Variants in COL23A1 observed in about 807,000 individuals in gnomAD.
The protein encoded by COL23A1 is collagen type XXIII alpha 1 chain, also known as collagen alpha-1(XXIII) chain.
In COL23A1, 97 loss-of-function variants were observed where a neutral mutation model predicts 99.3. The ratio of observed to expected loss-of-function variants is 0.98; its 90% confidence interval spans 0.83 to 1.16. COL23A1 has a LOEUF of 1.16. Ranked by LOEUF, COL23A1 falls within the 50% of genes most tolerant of loss-of-function variation. The pLI, the probability that COL23A1 is intolerant of heterozygous loss-of-function variation, is 0.00. For synonymous variants in COL23A1, 320 were observed against 308.2 expected, an observed-to-expected ratio of 1.04 and a Z score of -0.40; for missense variants, 762 against 757.4, an observed-to-expected ratio of 1.01 and a Z score of -0.07.
intron 2 of COL23A1, among the ~76,000 whole-genome samples, chr5:178,554,338 C>A (rs1422455618): frequency 1.3e-5 from 2 of 152,120 alleles, no homozygotes; most frequent in Non-Finnish European, 2.9e-5. Context: ...GCCACTATGC[C>A]CAGCTAATTT....
At chr5:178,367,125 C>T (rs1014277703) in intron 2 of COL23A1, among the ~76,000 whole-genome samples, 24 of 152,204 alleles carry the variant, frequency 1.6e-4, no homozygotes, top group Admixed American at 3.3e-4. Context: ...TCAGACATTT[C>T]CTTTAGCCAA....
chr5:178,250,324 G>A (rs1196297833), intron 17 of COL23A1, among the ~76,000 whole-genome samples: 3 of 152,216 alleles, frequency 2.0e-5, no homozygotes, highest in Non-Finnish European at 4.4e-5. Flanking sequence ...CACAGATTCG[G>A]GCGCTGAGGC....
chr5:178,393,421 G>A (rs552049056), intron 2 of COL23A1, among the ~76,000 whole-genome samples: 9 of 152,256 alleles, frequency 5.9e-5, no homozygotes, highest in South Asian at 4.1e-4. Flanking sequence ...CAGAGTTTTC[G>A]TTCTGCAAGA....
rs73344480 is a variant in COL23A1, at chr5:178,564,025, C to T, written c.295-3277G>A. ...TTTTTTAAACAAAAGCATTTCATGCCAAAAACAATTCACTTTTAACAACTG... is the reference window on the plus strand; with the variant it reads ...TTTTTTAAACAAAAGCATTTCATGCTAAAAACAATTCACTTTTAACAACTG... On this transcript the variant is annotated intron_variant, in intron 1 of 28. Transcript: ENST00000390654. Among the ~76,000 whole-genome samples the T allele has an allele frequency of 3.5e-3, 526 of 152,230 alleles. 5 individuals are homozygous for T. The highest frequency in any genetic ancestry group is 0.012 in the African/African-American group (498 of 41,550).
intron 2 of COL23A1, among the ~76,000 whole-genome samples, chr5:178,459,533 A>C (rs2546631): frequency 7.9e-5 from 12 of 152,074 alleles, no homozygotes; most frequent in Non-Finnish European, 1.3e-4. Flanking sequence ...AGGCCAAGGC[A>C]GGTGGATCAC....
At chr5:178,456,983 T>C (rs1767833801) in intron 2 of COL23A1, among the ~76,000 whole-genome samples, 1 of 152,158 alleles carries the variant, frequency 6.6e-6, no homozygotes, top group Non-Finnish European at 1.5e-5. Flanking sequence ...GTTTTGGGTT[T>C]GTTTGGTAAA....
chr5:178,568,474 A>G (rs73804270), intron 1 of COL23A1, among the ~76,000 whole-genome samples: 2,380 of 152,328 alleles, frequency 0.016, 64 homozygotes, highest in African/African-American at 0.054. Context: ...TTAACATAAA[A>G]TTAACCATTT....
At chr5:178,334,940 C>G (rs1043582984) in intron 2 of COL23A1, among the ~76,000 whole-genome samples, 4 of 152,250 alleles carry the variant, frequency 2.6e-5, no homozygotes, top group Admixed American at 6.5e-5. Flanking sequence ...GTGCCTCCCC[C>G]ACACCCCAGA....
At chr5:178,357,484 G>A (rs1472445482) in intron 2 of COL23A1, among the ~76,000 whole-genome samples, 1 of 152,218 alleles carries the variant, frequency 6.6e-6, no homozygotes, top group Non-Finnish European at 1.5e-5. Flanking sequence ...CGCCTTTGAG[G>A]TTTTAACCGT....
At chr5:178,404,510 G>C (rs1764643617) in intron 2 of COL23A1, among the ~76,000 whole-genome samples, 1 of 152,178 alleles carries the variant, frequency 6.6e-6, no homozygotes, top group South Asian at 2.1e-4. Flanking sequence ...AGGCACCAAG[G>C]CATGAAATTG....
intron 5 of COL23A1, among the ~76,000 whole-genome samples, chr5:178,273,193 G>A (rs1004665100): frequency 2.0e-5 from 3 of 152,224 alleles, no homozygotes; most frequent in South Asian, 2.1e-4. Context: ...AGAAGTGCCC[G>A]TGGAAGGGAG....
intron 2 of COL23A1, among the ~76,000 whole-genome samples, chr5:178,472,528 A>C (rs1756809420): frequency 6.6e-6 from 1 of 152,122 alleles, no homozygotes; most frequent in Non-Finnish European, 1.5e-5. Flanking sequence ...TGGCTTATAC[A>C]TTATGAAAGG....
intron 2 of COL23A1, among the ~76,000 whole-genome samples, chr5:178,364,299 G>A (rs937794634): frequency 3.3e-5 from 5 of 152,126 alleles, no homozygotes; most frequent in Admixed American, 6.5e-5. Context: ...CAGGAAGTCC[G>A]TCTTCTTCCT....
intron 2 of COL23A1, among the ~76,000 whole-genome samples, chr5:178,482,113 C>T (rs1757372991): frequency 6.6e-6 from 1 of 151,674 alleles, no homozygotes; most frequent in Non-Finnish European, 1.5e-5. Context: ...CCAGAAATTC[C>T]ACTCCTAGGT....
intron 2 of COL23A1, among the ~76,000 whole-genome samples, chr5:178,441,350 A>C (rs1200267002): frequency 1.3e-5 from 2 of 152,202 alleles, no homozygotes; most frequent in African/African-American, 2.4e-5. Context: ...TAGAGTGAAG[A>C]TATATAGCCT....
At chr5:178,512,634 T>G (rs1406564804) in intron 2 of COL23A1, among the ~76,000 whole-genome samples, 1 of 152,198 alleles carries the variant, frequency 6.6e-6, no homozygotes, top group Non-Finnish European at 1.5e-5. Flanking sequence ...ACCCTCTCAC[T>G]GTGTCCCAGC....
At chr5:178,557,946 G>A (rs974472638) in intron 2 of COL23A1, among the ~76,000 whole-genome samples, 3 of 151,930 alleles carry the variant, frequency 2.0e-5, no homozygotes, top group African/African-American at 7.3e-5. Context: ...GGCTAGGGTC[G>A]TCATGCTGCA....
chr5:178,255,740 C>T lies in COL23A1; in HGVS notation c.882+613G>A. ...CCCAGTCACAGCCTGCCCAGAACTG[C>T]CTGGCTCACTGGCTGCCTAATCCAA... is the stretch of plus-strand genomic sequence containing the variant. On this transcript the variant is annotated intron_variant, in intron 15 of 28. Transcript: ENST00000390654. This position sits in a 1 kb window ranked among gnomAD's most constrained non-coding sequence, Gnocchi z 4.2. 1 of 273,076 alleles carries T rather than the reference C, an allele frequency of 3.7e-6. No homozygotes were observed. Among genetic ancestry groups the T allele is most frequent in the Non-Finnish European group, 7.8e-6 (1 of 128,008 alleles). The allele number at this position is 273,076 out of a possible 1,614,324, so 16.9% of individuals were successfully genotyped here. A position where few individuals can be genotyped will look rare whatever the true frequency, so the allele number is the denominator to read the frequency against.
intron 2 of COL23A1, among the ~76,000 whole-genome samples, chr5:178,393,172 C>CATT (rs1764057255): frequency 6.6e-6 from 1 of 152,186 alleles, no homozygotes; most frequent in African/African-American, 2.4e-5. Flanking sequence ...TGGCAGGGAG[C>CATT]ATTAGCCTTA....
Sources: gnomAD v4.1 joint callset for allele counts (sites outside exome capture counted in the v4.1 genomes callset) on GRCh38, gnomAD v4.1.1 for gene constraint, Gnocchi (gnomAD v3.1) non-coding constraint, MANE v1.5 for transcripts, NCBI Gene and HGNC (gene_info 2026-07-23, HGNC 2026-07-21) for gene names.